The following GABRB1 variants were observed in gnomAD, a reference collection of about 807,000 sequenced individuals.
GABRB1 encodes gamma-aminobutyric acid receptor subunit beta-1.
GABRB1 carries 17 observed loss-of-function variants against 51.6 expected under a neutral mutation model. The ratio of observed to expected loss-of-function variants is 0.33; its 90% confidence interval spans 0.23 to 0.49. The LOEUF (loss-of-function observed/expected upper bound fraction) is 0.49. Among genes scored for constraint, GABRB1 ranks in the 20% least tolerant of loss-of-function variants. The pLI, the probability that GABRB1 is intolerant of heterozygous loss-of-function variation, is 0.99. For missense variants in GABRB1, 410 were observed against 600.6 expected, an observed-to-expected ratio of 0.68 and a Z score of 3.32; for synonymous variants, 247 against 218.9, an observed-to-expected ratio of 1.13 and a Z score of -1.14.
At chr4:47,126,054 C>T (rs1016445962) in intron 3 of GABRB1, among the ~76,000 whole-genome samples, 2 of 151,364 alleles carry the variant, frequency 1.3e-5, no homozygotes, top group Non-Finnish European at 2.9e-5. Context: ...ATGTGTATTG[C>T]ATTGTATGTG....
intron 3 of GABRB1, among the ~76,000 whole-genome samples, chr4:47,035,666 G>A (rs1379302763): frequency 2.6e-5 from 4 of 151,718 alleles, no homozygotes; most frequent in Non-Finnish European, 4.4e-5. Context: ...ACACACACAC[G>A]CACAAAGAGG....
chr4:47,120,982 A>T (rs1322373547), intron 3 of GABRB1, among the ~76,000 whole-genome samples: 1 of 152,216 alleles, frequency 6.6e-6, no homozygotes, highest in Non-Finnish European at 1.5e-5. Context: ...ACTAGGCTGC[A>T]TGCCCTCCAA....
At chr4:47,219,221 C>A (rs1344375527) in intron 4 of GABRB1, among the ~76,000 whole-genome samples, 2 of 151,792 alleles carry the variant, frequency 1.3e-5, no homozygotes, top group Non-Finnish European at 2.9e-5. Context: ...TGATCATGTT[C>A]AAATCTGATG....
rs532990355 is a variant in GABRB1 at position 47,400,196 on chromosome 4, A to G, written c.545-3122A>G. Among the ~76,000 whole-genome samples the G allele has an allele frequency of 7.9e-5, 12 of 152,256 alleles. No homozygotes were observed. In the South Asian group the frequency reaches 2.5e-3, roughly 32 times the overall value. ...TCAATTTATCTAAGACATTTCATATATTTAAAAAAAAACCATTGAGTTTTA... is the reference window on the plus strand; with the variant it reads ...TCAATTTATCTAAGACATTTCATATGTTTAAAAAAAAACCATTGAGTTTTA... On this transcript the variant is annotated intron_variant, in intron 5 of 8. Coordinates refer to ENST00000295454, the MANE Select transcript of GABRB1 (RefSeq NM_000812.4).
At chr4:47,335,002 T>A (rs1306303781) in intron 5 of GABRB1, among the ~76,000 whole-genome samples, 1 of 152,208 alleles carries the variant, frequency 6.6e-6, no homozygotes, top group Non-Finnish European at 1.5e-5. Context: ...GTAATTAATG[T>A]GTCAACAGTA....
At chr4:47,182,692 T>C (rs1239396076) in intron 4 of GABRB1, among the ~76,000 whole-genome samples, 2 of 151,808 alleles carry the variant, frequency 1.3e-5, no homozygotes, top group African/African-American at 4.8e-5. Flanking sequence ...AAAGTTCAAA[T>C]CAGACAAAAA....
At chr4:47,048,179 G>GTA (rs1204406528) in intron 3 of GABRB1, among the ~76,000 whole-genome samples, 1 of 152,032 alleles carries the variant, frequency 6.6e-6, no homozygotes, top group Non-Finnish European at 1.5e-5. Context: ...CACCTTTTTA[G>GTA]TATATATACT....
At chr4:47,408,339 ATAGT>A (rs1392179571) in intron 8 of GABRB1, among the ~76,000 whole-genome samples, 2 of 152,234 alleles carry the variant, frequency 1.3e-5, no homozygotes, top group Admixed American at 1.3e-4. Context: ...GAGCAAGAGC[ATAGT>A]TAGTGAGGAA....
Position 47,031,618 on chromosome 4 carries a change from G to T in GABRB1, c.-34G>T. 3 of 1,563,244 alleles carry T rather than the reference G, an allele frequency of 1.9e-6. No individual in the cohort carries two copies. Among genetic ancestry groups the T allele is most frequent in the Non-Finnish European group, 2.6e-6 (3 of 1,133,898 alleles). ...ACTAAGTTGCATTCCTTGAATCTTC[G>T]CAGAAAAGACAATTCTTTTAATCAG... On this transcript the variant is annotated 5_prime_UTR_variant, in exon 1 of 9. Coordinates refer to ENST00000295454, the MANE Select transcript of GABRB1 (RefSeq NM_000812.4).
intron 5 of GABRB1, among the ~76,000 whole-genome samples, chr4:47,357,967 T>G (rs1415293125): frequency 6.6e-6 from 1 of 152,182 alleles, no homozygotes; most frequent in Non-Finnish European, 1.5e-5. Context: ...GTTGAGAGCT[T>G]ATGATGTGAC....
intron 3 of GABRB1, among the ~76,000 whole-genome samples, chr4:47,121,997 C>CTATTTCCTAG (rs71195604): frequency 0.9 from 136,042 of 151,526 alleles, 61,150 homozygotes; most frequent in South Asian, 0.93. Flanking sequence ...AAAGGCATGT[C>CTATTTCCTAG]TATTTCCTAG....
At chr4:47,332,006 G>A (rs538838594) in intron 5 of GABRB1, among the ~76,000 whole-genome samples, 25 of 152,256 alleles carry the variant, frequency 1.6e-4, no homozygotes, top group African/African-American at 6.0e-4. Context: ...GGTGTGAGTT[G>A]GGTGGTTTTA....
rs1160512931 is a variant in GABRB1, at chr4:47,246,277, C to CATATATATAT, written c.462-73836_462-73827dup. ...TTCTCAGGGCTGAGTAGTATTCCAT[C>CATATATATAT]ATATATATATATATATATATATACA... On this transcript the variant is annotated intron_variant, in intron 4 of 8. Coordinates refer to ENST00000295454, the MANE Select transcript of GABRB1 (RefSeq NM_000812.4). Among the ~76,000 whole-genome samples, 574 of 72,686 alleles carry CATATATATAT rather than the reference C, an allele frequency of 7.9e-3. 15 individuals carry two copies. The highest frequency in any genetic ancestry group is 0.012 in the Admixed American group (73 of 6,004). The allele number at this position is 72,686 out of a possible 152,430, so 47.7% of individuals were successfully genotyped here. A position where few individuals can be genotyped will look rare whatever the true frequency, so the allele number is the denominator to read the frequency against.
At chr4:47,280,287 T>TC (rs916353405) in intron 4 of GABRB1, among the ~76,000 whole-genome samples, 7 of 151,744 alleles carry the variant, frequency 4.6e-5, no homozygotes, top group South Asian at 2.1e-4. Flanking sequence ...TTTACTCTCT[T>TC]CCCCCCCACT....
intron 8 of GABRB1, 127 bp from the exon 9 acceptor site, chr4:47,425,547 G>T: frequency 3.0e-6 from 2 of 675,642 alleles, no homozygotes; most frequent in Non-Finnish European, 5.2e-6. Flanking sequence ...CATCAGGGAG[G>T]CACATCAAGC....
chr4:47,298,761 A>T (rs1194124387), intron 4 of GABRB1, among the ~76,000 whole-genome samples: 2 of 152,342 alleles, frequency 1.3e-5, no homozygotes, highest in Middle Eastern at 3.4e-3. Context: ...ATGGAAACAA[A>T]AAAGAACCTG....
intron 4 of GABRB1, among the ~76,000 whole-genome samples, chr4:47,277,459 G>C (rs1028591912): frequency 1.3e-5 from 2 of 151,838 alleles, no homozygotes; most frequent in Non-Finnish European, 2.9e-5. Flanking sequence ...AGCACAATAG[G>C]GTGACTATAG....
chr4:47,350,444 T>G (rs73249623), intron 5 of GABRB1, among the ~76,000 whole-genome samples: 30,592 of 151,606 alleles, frequency 0.2, 3,997 homozygotes, highest in Middle Eastern at 0.36. Context: ...CTGAGCTTGA[T>G]CCTAGCTTTG....
chr4:46,998,377 T>C (rs1204216915), intron 1 of GABRB1, among the ~76,000 whole-genome samples: 1 of 152,204 alleles, frequency 6.6e-6, no homozygotes, highest in Non-Finnish European at 1.5e-5. Flanking sequence ...TTGAATTACA[T>C]TCAGAAATAT....
Sources: allele counts gnomAD v4.1 joint callset (sites outside exome capture counted in the v4.1 genomes callset), GRCh38; gene constraint gnomAD v4.1.1; transcripts MANE v1.5; gene names NCBI Gene and HGNC (gene_info 2026-07-23, HGNC 2026-07-21).